The following RNF144A variants were observed in gnomAD, a reference collection of about 807,000 sequenced individuals.
RNF144A encodes the protein ring finger protein 144A.
In RNF144A, 11 loss-of-function variants were observed where a neutral mutation model predicts 38.7. That is an observed-to-expected ratio of 0.28 (90% CI 0.18 to 0.47). RNF144A has a LOEUF of 0.47. Ranked by LOEUF, RNF144A falls within the 20% of genes least tolerant of loss-of-function variation. RNF144A has a pLI of 0.99. For synonymous variants in RNF144A, 149 were observed against 143.9 expected, an observed-to-expected ratio of 1.04 and a Z score of -0.25; for missense variants, 316 against 377.2, an observed-to-expected ratio of 0.84 and a Z score of 1.34.
At chr2:6,936,032 C>T (rs138259576) in intron 1 of RNF144A, among the ~76,000 whole-genome samples, 34 of 152,376 alleles carry the variant, frequency 2.2e-4, no homozygotes, top group African/African-American at 7.2e-4. Context: ...ACTGCTTTCA[C>T]TGTTCCTTTA....
rs886201749 is a variant in RNF144A, at chr2:7,041,632, C to T, written c.*1872C>T. 5.1e-5 allele frequency: 50 copies of T among 985,562 alleles called. No individual in the cohort carries two copies. Among genetic ancestry groups the T allele is most frequent in the Non-Finnish European group, 5.3e-5 (44 of 829,996 alleles). The allele number at this position is 985,562 out of a possible 1,614,324, so 61.1% of individuals were successfully genotyped here. On this transcript the variant is annotated 3_prime_UTR_variant, in exon 9 of 9. Coordinates refer to ENST00000320892, the MANE Select transcript of RNF144A (RefSeq NM_014746.6). ...GCGGGAGTCATTGGCTGGGCTTGAG[C>T]CCTCAGCCTGTGATATGTGGATGCA...
chr2:7,075,992 G>A, the RNF144A span, among the ~76,000 whole-genome samples: 1 of 152,194 alleles, frequency 6.6e-6, no homozygotes, highest in South Asian at 2.1e-4. Flanking sequence ...TATTGTGTAT[G>A]TTGTGAATAA....
Position 6,996,968 on chromosome 2 carries a change from C to T in RNF144A, c.42C>T (p.Leu14=), listed in dbSNP as rs199803867. 6.2e-6 allele frequency: 10 copies of T among 1,613,984 alleles called. 1 individual carries two copies. Among genetic ancestry groups the T allele is most frequent in the South Asian group, 5.5e-5 (5 of 91,072 alleles). The change falls in exon 3 of 9, where the codon CTC becomes CTT. Residue 14 remains leucine (L), a synonymous_variant. Coordinates refer to ENST00000320892, the MANE Select transcript of RNF144A (RefSeq NM_014746.6). ...ACCGGCCCACCTGGGACCTGGCCCT[C>T]GACCCGCTGGTGTCTTGCAAGCTCT... ...TRYRPTWDLA[L]DPLVSCKLCL...
intron 2 of RNF144A, among the ~76,000 whole-genome samples, chr2:6,975,996 G>T (rs560151730): frequency 6.6e-6 from 1 of 152,234 alleles, no homozygotes; most frequent in East Asian, 1.9e-4. Flanking sequence ...TTCTTCAGCG[G>T]CACAGTATTC....
At chr2:6,977,332 T>C (rs55736658) in intron 2 of RNF144A, among the ~76,000 whole-genome samples, 76,138 of 152,096 alleles carry the variant, frequency 0.5, 19,393 homozygotes, top group Middle Eastern at 0.56. Flanking sequence ...GAAGGGAAAG[T>C]TGCGTATGCC....
intron 1 of RNF144A, among the ~76,000 whole-genome samples, chr2:6,931,336 A>G (rs1665198908): frequency 6.6e-6 from 1 of 152,382 alleles, no homozygotes; most frequent in South Asian, 2.1e-4. Context: ...GAATCCTCTG[A>G]GGATTAAAGA....
chr2:6,933,963 T>C (rs1665380082), intron 1 of RNF144A, among the ~76,000 whole-genome samples: 1 of 152,194 alleles, frequency 6.6e-6, no homozygotes, highest in Non-Finnish European at 1.5e-5. Context: ...GTTTTTGTTT[T>C]TGTTTTGTTT....
intron 2 of RNF144A, among the ~76,000 whole-genome samples, chr2:6,980,957 A>G (rs535620731): frequency 6.6e-6 from 1 of 152,362 alleles, no homozygotes; most frequent in East Asian, 1.9e-4. Flanking sequence ...ACCACGTGGA[A>G]GGTGCCAAGG....
At chr2:6,961,074 A>G (rs976671328) in intron 2 of RNF144A, among the ~76,000 whole-genome samples, 1 of 151,286 alleles carries the variant, frequency 6.6e-6, no homozygotes, top group Non-Finnish European at 1.5e-5. Flanking sequence ...TTGTACTTAC[A>G]TGGTTTTTTT....
intron 6 of RNF144A, among the ~76,000 whole-genome samples, chr2:7,057,323 C>A (rs1487181290): frequency 6.6e-6 from 1 of 152,176 alleles, no homozygotes; most frequent in Non-Finnish European, 1.5e-5. Context: ...TCAATAAATA[C>A]CTCCTGAGTG....
At chr2:7,017,746 G>A (rs1671233813) in intron 5 of RNF144A, among the ~76,000 whole-genome samples, 1 of 152,210 alleles carries the variant, frequency 6.6e-6, no homozygotes, top group African/African-American at 2.4e-5. Flanking sequence ...CACGTGTGTA[G>A]ATTGGGGAGG....
At chr2:7,066,291 G>T (rs913090048) in intron 6 of RNF144A, among the ~76,000 whole-genome samples, 1 of 152,044 alleles carries the variant, frequency 6.6e-6, no homozygotes, top group Non-Finnish European at 1.5e-5. Flanking sequence ...GTTTCACCGT[G>T]TTAGCCAGGA....
At chr2:6,920,752 CGTT>C (rs1664491484) in intron 1 of RNF144A, among the ~76,000 whole-genome samples, 1 of 152,206 alleles carries the variant, frequency 6.6e-6, no homozygotes, top group Non-Finnish European at 1.5e-5. Context: ...CTCCTTTCTC[CGTT>C]GTTTCTGCAT....
chr2:7,044,087 T>C lies in RNF144A; in HGVS notation c.*4327T>C, dbSNP rs541992407. 1.1e-4 allele frequency: 107 copies of C among 984,080 alleles called. No homozygotes were observed. The highest frequency in any genetic ancestry group is 1.3e-4 in the Non-Finnish European group (104 of 828,360). 61.0% of individuals were successfully genotyped at this position (984,080 alleles called of 1,614,324 possible). ...TGATTTGTAATTTCAATACATATTT[T>C]AAATGTATTGTGTCTTACGTAGTTT... On this transcript the variant is annotated 3_prime_UTR_variant, in exon 9 of 9. Transcript: ENST00000320892.
chr2:7,030,170 C>T lies in RNF144A; in HGVS notation c.702C>T (p.Asn234=), dbSNP rs372532676. 1.2e-6 allele frequency: 2 copies of T among 1,613,822 alleles called. No homozygotes were observed. Among genetic ancestry groups the T allele is most frequent in the African/African-American group, 1.3e-5 (1 of 74,862 alleles). Residue 234 remains asparagine (N), a synonymous_variant, in exon 8 of 9, where the codon AAC becomes AAT. Transcript: ENST00000320892. The part of the protein sequence containing the change: ...LIHYDKGPCR[N]KLGHSRASVI... ...ACTACGATAAGGGACCCTGCCGGAA[C>T]AAGCTGGGCCACTCCCGGGCATCTG...
intron 5 of RNF144A, among the ~76,000 whole-genome samples, chr2:7,019,005 C>A (rs1440890603): frequency 2.6e-5 from 4 of 152,210 alleles, no homozygotes; most frequent in Non-Finnish European, 5.9e-5. Flanking sequence ...CTAGAACATT[C>A]ATTTCCAGAT....
At chr2:7,058,771 C>T (rs1673840030) in intron 6 of RNF144A, among the ~76,000 whole-genome samples, 1 of 152,094 alleles carries the variant, frequency 6.6e-6, no homozygotes, top group Non-Finnish European at 1.5e-5. Flanking sequence ...ATATATAAAT[C>T]TCTTTGACTC....
At position 6,943,676 on chromosome 2, in the gene RNF144A, G is replaced by A. The variant is rs980596517; in HGVS notation, c.-12+2529G>A. ...GAGTTACTGGCTTTAGGAGGAACACGGATAGTTACCAGTGGGGATGGACCA... is the reference window on the plus strand; with the variant it reads ...GAGTTACTGGCTTTAGGAGGAACACAGATAGTTACCAGTGGGGATGGACCA... On this transcript the variant is annotated intron_variant, in intron 2 of 8. Transcript: ENST00000320892. The surrounding 1 kb of genome is among the most constrained non-coding windows in gnomAD (Gnocchi z 4.3). 1.3e-5 allele frequency among the ~76,000 whole-genome samples: 2 copies of A among 152,172 alleles called. No individual in the cohort carries two copies. Among genetic ancestry groups the A allele is most frequent in the African/African-American group, 2.4e-5 (1 of 41,454 alleles).
rs1666184890 is a variant in RNF144A, at chr2:6,944,068, G to T, written c.-12+2921G>T. Among the ~76,000 whole-genome samples, 1 of 152,144 alleles carries T rather than the reference G, an allele frequency of 6.6e-6. No individual in the cohort carries two copies. The highest frequency in any genetic ancestry group is 6.5e-5 in the Admixed American group (1 of 15,272). ...CACAGTGAAAGAATGGCTGGAATTG[G>T]TATTGTGTGCCAGGGAGAGAGGATC... On this transcript the variant is annotated intron_variant, in intron 2 of 8. Transcript: ENST00000320892. The surrounding 1 kb of genome is among the most constrained non-coding windows in gnomAD (Gnocchi z 4.7).
Sources: allele counts gnomAD v4.1 joint callset (sites outside exome capture counted in the v4.1 genomes callset), GRCh38; gene constraint gnomAD v4.1.1; non-coding constraint Gnocchi (gnomAD v3.1); transcripts MANE v1.5; gene names NCBI Gene and HGNC (gene_info 2026-07-23, HGNC 2026-07-21).